IFIH1: variants seen among roughly 807,000 people sequenced by gnomAD.
IFIH1 encodes the protein interferon induced with helicase C domain 1, also known as interferon-induced helicase C domain-containing protein 1.
IFIH1 carries 125 observed loss-of-function variants against 107.4 expected under a neutral mutation model. The observed-to-expected ratio is 1.16, with a 90% CI of 1.01 to 1.35. The LOEUF (loss-of-function observed/expected upper bound fraction) is 1.35. Among genes scored for constraint, IFIH1 ranks in the 40% most tolerant of loss-of-function variants. IFIH1 has a pLI of 0.00. For missense variants in IFIH1, 1,333 were observed against 1,213.7 expected (o/e 1.10, Z -1.46); for synonymous variants, 458 against 413.2 (o/e 1.11, Z -1.31).
At chr2:162,282,705 A>G (rs1682833043) in intron 5 of IFIH1, 129 bp from the exon 6 acceptor site, 2 of 616,152 alleles carry the variant, frequency 3.2e-6, no homozygotes, top group Admixed American at 2.8e-5. Context: ...AGGCATAACA[A>G]CGTTCCCATC....
chr2:162,289,531 TTC>T (rs1682960064), intron 4 of IFIH1, among the ~76,000 whole-genome samples: 1 of 151,944 alleles, frequency 6.6e-6, no homozygotes, highest in African/African-American at 2.4e-5. Flanking sequence ...ATGAAATAAC[TTC>T]TTTTTCTTAT....
intron 8 of IFIH1, among the ~76,000 whole-genome samples, chr2:162,278,699 GT>G (rs1412738219): frequency 6.6e-6 from 1 of 152,108 alleles, no homozygotes; most frequent in Non-Finnish European, 1.5e-5. Flanking sequence ...TTCCTCCTTT[GT>G]AAAACTGGTT....
At chr2:162,290,163 G>T (rs1184950149) in intron 4 of IFIH1, among the ~76,000 whole-genome samples, 2 of 151,750 alleles carry the variant, frequency 1.3e-5, no homozygotes, top group East Asian at 1.9e-4. Context: ...AATCCTCTTT[G>T]TTTAATTTCA....
chr2:162,316,172 T>C (rs966208726), intron 1 of IFIH1, among the ~76,000 whole-genome samples: 1 of 152,078 alleles, frequency 6.6e-6, no homozygotes, highest in African/African-American at 2.4e-5. Context: ...TTAGAGTAAA[T>C]AGGGAGAAGT....
At position 162,305,053 on chromosome 2, in the gene IFIH1, G is replaced by A. The variant is rs1576236641; in HGVS notation, c.769+1656C>T. On this transcript the variant is annotated intron_variant, in intron 3 of 15. Coordinates refer to ENST00000649979, the MANE Select transcript of IFIH1 (RefSeq NM_022168.4). The stretch of plus-strand genomic sequence containing the variant: ...CAATTAATCATACTGCATCCAAATG[G>A]TGGGACCATTATTTAGTCATTAAAA... Among the ~76,000 whole-genome samples, 3 of 152,122 alleles carry A rather than the reference G, an allele frequency of 2.0e-5. No individual in the cohort carries two copies. In the South Asian group the frequency reaches 6.2e-4, roughly 31 times the overall value.
chr2:162,285,533 G>A (rs1682880433), intron 5 of IFIH1, among the ~76,000 whole-genome samples: 1 of 151,976 alleles, frequency 6.6e-6, no homozygotes, highest in African/African-American at 2.4e-5. Context: ...TTATGACATA[G>A]ATGGAAGAAT....
At chr2:162,315,486 A>T (rs1683476245) in intron 1 of IFIH1, among the ~76,000 whole-genome samples, 1 of 152,228 alleles carries the variant, frequency 6.6e-6, no homozygotes, top group African/African-American at 2.4e-5. Context: ...AAATGTAACC[A>T]GATGAATGGT....
intron 1 of IFIH1, 70 bp downstream of exon 1, chr2:162,317,785 G>C: frequency 7.8e-7 from 1 of 1,283,250 alleles, no homozygotes; most frequent in African/African-American, 1.5e-5. Context: ...TTGGAAAGGG[G>C]CAAACGCACA....
chr2:162,318,449 G>A lies in IFIH1; in HGVS notation c.-142C>T, dbSNP rs1683559672. ...CTCTGTGCCTGACAATGACGAGGTT[G>A]TCCACAGGGCTCTCAGGCCGGCGCG... On this transcript the variant is annotated 5_prime_UTR_variant, in exon 1 of 16. Transcript: ENST00000649979. 4.2e-6 allele frequency: 3 copies of A among 715,108 alleles called. No individual in the cohort carries two copies. The highest frequency in any genetic ancestry group is 6.9e-6 in the Non-Finnish European group (3 of 432,430). The allele number at this position is 715,108 out of a possible 1,614,324, so 44.3% of individuals were successfully genotyped here.
In IFIH1 at chr2:162,281,457, C is replaced by T; in HGVS notation, c.1395G>A (p.Lys465=). The T allele has an allele frequency of 1.2e-6, 2 of 1,612,290 alleles. No homozygotes were observed. Among genetic ancestry groups the T allele is most frequent in the Middle Eastern group, 3.3e-4 (2 of 6,052 alleles). ...CTTTCTTGAGTCTATTGTTTTTCAA[C>T]TTCTGCATCAAATAATGCCTCATGA... ...NNIMRHYLMQ[K]LKNNRLKKEN... The change falls in exon 7 of 16, where the codon AAG becomes AAA. Residue 465 remains lysine (K), a synonymous_variant. Coordinates refer to ENST00000649979, the MANE Select transcript of IFIH1 (RefSeq NM_022168.4).
At chr2:162,270,497 C>T (rs1030896373) in intron 13 of IFIH1, among the ~76,000 whole-genome samples, 1 of 152,136 alleles carries the variant, frequency 6.6e-6, no homozygotes, top group Non-Finnish European at 1.5e-5. Context: ...GCATGTAGCC[C>T]TCCTTCCCCA....
At chr2:162,270,400 T>G (rs562363397) in intron 13 of IFIH1, among the ~76,000 whole-genome samples, 5 of 152,306 alleles carry the variant, frequency 3.3e-5, no homozygotes, top group African/African-American at 1.2e-4. Context: ...GTCTGAAGAT[T>G]GTGTTGAGAA....
At chr2:162,316,515 C>G (rs1027833152) in intron 1 of IFIH1, among the ~76,000 whole-genome samples, 3 of 152,180 alleles carry the variant, frequency 2.0e-5, no homozygotes, top group South Asian at 2.1e-4. Context: ...GGTCTTTGGA[C>G]AGGCCCTGTG....
intron 13 of IFIH1, 33 bp from the exon 14 acceptor site, chr2:162,268,310 G>A (rs1490785384): frequency 6.9e-7 from 1 of 1,452,526 alleles, no homozygotes; most frequent in African/African-American, 1.4e-5. Context: ...AGTGGTTTCA[G>A]GTTTGTTTTC....
chr2:162,278,412 A>G (rs991944938), intron 8 of IFIH1, 84 bp from the exon 9 acceptor site: 3 of 730,414 alleles, frequency 4.1e-6, no homozygotes, highest in Non-Finnish European at 6.4e-6. Context: ...TTTCTAGGTT[A>G]TAATAAATCT....
intron 10 of IFIH1, among the ~76,000 whole-genome samples, 162 bp downstream of exon 10, chr2:162,277,253 C>T (rs2105197183): frequency 6.6e-6 from 1 of 152,254 alleles, no homozygotes; most frequent in South Asian, 2.1e-4. Flanking sequence ...TGTGATCATA[C>T]AACTGGTAGC....
chr2:162,294,028 C>T (rs1376614060), intron 3 of IFIH1, among the ~76,000 whole-genome samples: 1 of 151,822 alleles, frequency 6.6e-6, no homozygotes, highest in Admixed American at 6.6e-5. Context: ...AAAAATAATA[C>T]ATAGAAACCT....
chr2:162,268,272 C>G lies in IFIH1; in HGVS notation c.2622G>C (p.Leu874Phe), dbSNP rs760588876. 6.9e-6 allele frequency: 11 copies of G among 1,599,554 alleles called. No individual in the cohort carries two copies. In the African/African-American group the frequency reaches 1.2e-4, roughly 18 times the overall value. The change falls in exon 14 of 16, where the codon TTG becomes TTC. Residue 874 changes from leucine to phenylalanine, a missense_variant. Leu to Phe is a conservative substitution (Grantham distance 22, BLOSUM62 0). Transcript: ENST00000649979. ...CCATTATACTTTGCATCTGTAATTC[C>G]AAAATCTGGACAGAGAAAGGAATAG... ...MKPEEYAHKI[L>F]ELQMQSIMEK...
At chr2:162,293,435 ATT>A in intron 4 of IFIH1, 127 bp downstream of exon 4, 1 of 587,418 alleles carries the variant, frequency 1.7e-6, no homozygotes, top group Non-Finnish European at 3.0e-6. Flanking sequence ...TTCCAAAACT[ATT>A]TCACTGTAGA....
Sources: gnomAD v4.1 joint callset for allele counts (sites outside exome capture counted in the v4.1 genomes callset) on GRCh38, gnomAD v4.1.1 for gene constraint, MANE v1.5 for transcripts, NCBI Gene and HGNC (gene_info 2026-07-23, HGNC 2026-07-21) for gene names.